Variants in CACNA1I observed in about 807,000 individuals in gnomAD.
CACNA1I encodes calcium voltage-gated channel subunit alpha1 I, also known as voltage-dependent T-type calcium channel subunit alpha-1I.
Under a neutral mutation model 201.6 loss-of-function variants are expected in CACNA1I, and 74 were observed. The observed-to-expected ratio is 0.37, with a 90% CI of 0.30 to 0.45. CACNA1I has a LOEUF of 0.45. CACNA1I is among the 20% of genes least tolerant of loss of function. The pLI is 1.00. For missense variants in CACNA1I, 2,346 were observed against 3,138.1 expected (o/e 0.75, Z 6.03); for synonymous variants, 1,431 against 1,345.2 (o/e 1.06, Z -1.40).
chr22:39,669,985 A>G (rs568498696), intron 24 of CACNA1I, 53 bp from the exon 25 acceptor site: 3 of 1,596,904 alleles, frequency 1.9e-6, no homozygotes, highest in Admixed American at 1.7e-5. Flanking sequence ...GCACCTCCCC[A>G]TGGCCCTGTA....
At chr22:39,656,641 GGAAT>G (rs112171045) in intron 10 of CACNA1I, 44 of 515,224 alleles carry the variant, frequency 8.5e-5, no homozygotes, top group East Asian at 5.5e-4. Context: ...TAGCCATGCA[GGAAT>G]GAATGAATGA....
intron 5 of CACNA1I, among the ~76,000 whole-genome samples, chr22:39,636,399 C>G (rs1045504481): frequency 2.0e-5 from 3 of 152,254 alleles, no homozygotes; most frequent in Admixed American, 6.5e-5. Flanking sequence ...AGAAAGAACG[C>G]CCTAAGGGAA....
chr22:39,610,906 TGGC>T (rs1933368706), intron 3 of CACNA1I, among the ~76,000 whole-genome samples: 1 of 152,058 alleles, frequency 6.6e-6, no homozygotes, highest in African/African-American at 2.4e-5. Context: ...TGGCCTGGAT[TGGC>T]TGGTGTGGGG....
Position 39,664,726 on chromosome 22 carries a change from A to AC in CACNA1I, c.3667-8dup. The AC allele has an allele frequency of 2.2e-6, 1 of 455,526 alleles. No individual in the cohort carries two copies. Among genetic ancestry groups the AC allele is most frequent in the Non-Finnish European group, 3.1e-6 (1 of 320,028 alleles). The allele number at this position is 455,526 out of a possible 1,614,324, so 28.2% of individuals were successfully genotyped here. On this transcript the variant is annotated splice_polypyrimidine_tract_variant and intron_variant, in intron 20 of 36. Coordinates refer to ENST00000402142, the MANE Select transcript of CACNA1I (RefSeq NM_021096.4). ...CCCGCGGCAGCCTGACCCCGGCCCC[A>AC]CCCCCGCCCCAGGTAGTCTCGCTGG...
chr22:39,682,798 T>C, intron 35 of CACNA1I, 137 bp downstream of exon 35: 1 of 690,356 alleles, frequency 1.4e-6, no homozygotes, highest in Non-Finnish European at 2.4e-6. Context: ...GATGGATATC[T>C]GACAATGAGA....
Position 39,658,944 on chromosome 22 carries a change from G to T in CACNA1I, c.2158G>T (p.Val720Leu), listed in dbSNP as rs1393241504. The T allele has an allele frequency of 1.3e-6, 2 of 1,599,040 alleles. No homozygotes were observed. Among genetic ancestry groups the T allele is most frequent in the Admixed American group, 1.7e-5 (1 of 58,578 alleles). Residue 720 changes from valine to leucine, a missense_variant, in exon 12 of 37, where the codon GTG becomes TTG. By Grantham distance (32) the Val-to-Leu change is conservative. Transcript: ENST00000402142. ...GCGGGACCGCAGCATCTGGGAGATT[G>T]TGGGGCAGGCGGACGGTGGGCTGTC... ...IIVIISIWEI[V>L]GQADGGLSVL...
chr22:39,621,473 A>T (rs1447895000), intron 4 of CACNA1I, among the ~76,000 whole-genome samples: 1 of 152,226 alleles, frequency 6.6e-6, no homozygotes, highest in African/African-American at 2.4e-5. Flanking sequence ...TGCAGAATGC[A>T]TCAGTCAGTC....
Position 39,664,795 on chromosome 22 carries a change from C to A in CACNA1I, c.3723C>A (p.Asn1241Lys). Residue 1241 changes from asparagine (N) to lysine (K), a missense_variant, in exon 21 of 37, where the codon AAC becomes AAA. Around this residue, in one of 13 missense-constraint regions of CACNA1I, gnomAD observed 158 missense variants for 231.6 expected, o/e 0.68. Coordinates refer to ENST00000402142, the MANE Select transcript of CACNA1I (RefSeq NM_021096.4). ...GEQAYLRSSW[N>K]VLDGFLVFVS... is the part of the protein sequence containing the mutation. ...AGGCGTACCTACGCAGCAGCTGGAA[C>A]GTGCTGGATGGCTTTCTTGTCTTCG... 2 of 1,609,110 alleles carry A rather than the reference C, an allele frequency of 1.2e-6. No individual in the cohort carries two copies. Among genetic ancestry groups the A allele is most frequent in the Non-Finnish European group, 1.7e-6 (2 of 1,177,950 alleles).
chr22:39,669,778 A>G (rs1419449223), intron 24 of CACNA1I, among the ~76,000 whole-genome samples: 1 of 152,198 alleles, frequency 6.6e-6, no homozygotes, highest in Non-Finnish European at 1.5e-5. Flanking sequence ...TGGATAGGTC[A>G]ATGAGAGGAA....
chr22:39,599,052 C>G (rs1391108892), intron 2 of CACNA1I, among the ~76,000 whole-genome samples: 1 of 143,440 alleles, frequency 7.0e-6, no homozygotes, highest in Non-Finnish European at 1.5e-5. Flanking sequence ...GGGTTCATGC[C>G]ATTCTCCCAC....
intron 4 of CACNA1I, among the ~76,000 whole-genome samples, chr22:39,620,137 A>T (rs1601466933): frequency 8.4e-6 from 1 of 118,368 alleles, no homozygotes; most frequent in East Asian, 3.6e-4. Flanking sequence ...CTGTCCATCC[A>T]TCCACCCACC....
chr22:39,613,957 C>T (rs1167736222), intron 3 of CACNA1I, among the ~76,000 whole-genome samples: 1 of 152,228 alleles, frequency 6.6e-6, no homozygotes, highest in Non-Finnish European at 1.5e-5. Flanking sequence ...CTTCCCTCAG[C>T]CTCTTGAGTA....
At chr22:39,664,245 G>A in intron 20 of CACNA1I, 86 bp downstream of exon 20, 3 of 1,110,482 alleles carry the variant, frequency 2.7e-6, no homozygotes, top group South Asian at 1.3e-5. Flanking sequence ...CTTGTCACTC[G>A]CCTGCCATCG....
At chr22:39,604,587 G>T (rs1194283110) in intron 3 of CACNA1I, among the ~76,000 whole-genome samples, 1 of 152,086 alleles carries the variant, frequency 6.6e-6, no homozygotes, top group Non-Finnish European at 1.5e-5. Flanking sequence ...ATGCAAAGGA[G>T]ACTTTTTTTT....
chr22:39,597,916 G>A (rs558349610), intron 1 of CACNA1I, among the ~76,000 whole-genome samples: 22 of 152,308 alleles, frequency 1.4e-4, no homozygotes, highest in African/African-American at 5.1e-4. Flanking sequence ...GCAAGGAGTG[G>A]GGTCCTGCAG....
At position 39,665,509 on chromosome 22, in the gene CACNA1I, G is replaced by A. The variant is rs763835762; in HGVS notation, c.3863G>A (p.Arg1288Gln). The change falls in exon 22 of 37, where the codon CGG (arginine) becomes CAG (glutamine). Residue 1288 changes from arginine to glutamine, a missense_variant. Coordinates refer to ENST00000402142, the MANE Select transcript of CACNA1I (RefSeq NM_021096.4). This position sits in a 1 kb window ranked among gnomAD's most constrained non-coding sequence, Gnocchi z 5.5. ...CTCCCTGCCGTCAGTGTCATCAGCCGGGCGCCGGGCCTGAAGCTGGTGGTG... is the reference window on the plus strand; with the variant it reads ...CTCCCTGCCGTCAGTGTCATCAGCCAGGCGCCGGGCCTGAAGCTGGTGGTG... ...RTLRPLRVIS[R>Q]APGLKLVVET... The A allele has an allele frequency of 4.3e-6, 7 of 1,613,516 alleles. No individual in the cohort carries two copies. The Admixed American group carries it at 5.0e-5, about 12-fold the overall frequency.
chr22:39,618,256 T>C (rs1025768395), intron 3 of CACNA1I, among the ~76,000 whole-genome samples: 3 of 116,234 alleles, frequency 2.6e-5, no homozygotes, highest in Non-Finnish European at 5.6e-5. Flanking sequence ...TGTGCCTGTG[T>C]GTGTGTGTGC....
chr22:39,622,827 G>A (rs1343727603), intron 4 of CACNA1I, among the ~76,000 whole-genome samples: 1 of 152,002 alleles, frequency 6.6e-6, no homozygotes, highest in African/African-American at 2.4e-5. Context: ...AGAGGGCCAC[G>A]TCGCTCCTGG....
chr22:39,689,578 ACT>A lies in CACNA1I; in HGVS notation c.*3177_*3178del, dbSNP rs1264598514. The A allele has an allele frequency of 2.0e-5, 3 of 152,678 alleles. No homozygotes were observed. The highest frequency in any genetic ancestry group is 2.9e-5 in the Non-Finnish European group (2 of 68,112). 9.5% of individuals were successfully genotyped at this position (152,678 alleles called of 1,614,324 possible). ...CCTGGGCCGCCGCCGTGACTCTAGC[ACT>A]CTCAGTCGCTGTACAGTTTCTATGG... On this transcript the variant is annotated 3_prime_UTR_variant, in exon 37 of 37. Transcript: ENST00000402142.
Sources: allele counts gnomAD v4.1 joint callset (sites outside exome capture counted in the v4.1 genomes callset), GRCh38; gene constraint gnomAD v4.1.1; regional missense constraint gnomAD v4.1.1; non-coding constraint Gnocchi (gnomAD v3.1); transcripts MANE v1.5; gene names NCBI Gene and HGNC (gene_info 2026-07-23, HGNC 2026-07-21).